PPP1R12A: variants seen among roughly 807,000 people sequenced by gnomAD.
PPP1R12A encodes protein phosphatase 1 regulatory subunit 12A, also known as myosin binding subunit.
Under a neutral mutation model 139.6 loss-of-function variants are expected in PPP1R12A, and 19 were observed. The ratio of observed to expected loss-of-function variants is 0.14; its 90% CI spans 0.09 to 0.20. PPP1R12A has a LOEUF of 0.20. Among genes scored for constraint, PPP1R12A ranks in the 10% least tolerant of loss-of-function variants. PPP1R12A has a pLI of 1.00. For synonymous variants in PPP1R12A, 427 were observed against 420.6 expected (o/e 1.02, Z -0.19); for missense variants, 925 against 1,211.5 (o/e 0.76, Z 3.51).
chr12:79,916,647 G>C (rs1303451002), intron 1 of PPP1R12A, among the ~76,000 whole-genome samples: 3 of 152,048 alleles, frequency 2.0e-5, no homozygotes, highest in African/African-American at 7.2e-5. Flanking sequence ...ACCATATCCA[G>C]AATTCCATTA....
At chr12:79,794,876 GT>G (rs1304455693) in intron 18 of PPP1R12A, among the ~76,000 whole-genome samples, 1 of 151,956 alleles carries the variant, frequency 6.6e-6, no homozygotes. Flanking sequence ...AAAATTTATA[GT>G]TCTAGTCATA....
At chr12:79,789,370 A>G (rs1260170223) in intron 20 of PPP1R12A, among the ~76,000 whole-genome samples, 1 of 152,156 alleles carries the variant, frequency 6.6e-6, no homozygotes, top group East Asian at 1.9e-4. Context: ...TATTTCCAAA[A>G]CCAGAAAATG....
rs753937919 is a variant in PPP1R12A at position 79,808,520 on chromosome 12, G to C, written c.1513C>G (p.Leu505Val). ...AYVAPTIPRR[L>V]ASTSDIEEKE... ...TCTTCAATGTCAGATGTACTGGCTA[G>C]TCGTCTTGGTATTGTAGGTGCAACA... The change falls in exon 11 of 25, where the codon CTA becomes GTA. Residue 505 changes from leucine to valine, a missense_variant. By Grantham distance (32) the Leu-to-Val change is conservative (BLOSUM62 1). Transcript: ENST00000450142. 1.9e-6 allele frequency: 3 copies of C among 1,609,820 alleles called. No individual in the cohort carries two copies. Among genetic ancestry groups the C allele is most frequent in the East Asian group, 2.2e-5 (1 of 44,784 alleles).
chr12:79,786,280 T>C lies in PPP1R12A; in HGVS notation c.2907+94A>G. On this transcript the variant is annotated intron_variant, in intron 22 of 24. Coordinates refer to ENST00000450142, the MANE Select transcript of PPP1R12A (RefSeq NM_002480.3). ...CTTCTATTACCAATTATCAAACTTC[T>C]ATTTAGAGTATTAGAAAAAATTTTA... 5.7e-6 allele frequency: 4 copies of C among 698,162 alleles called. No individual in the cohort carries two copies. The South Asian group carries it at 7.8e-5, about 14-fold the overall frequency. 43.2% of individuals were successfully genotyped at this position (698,162 alleles called of 1,614,324 possible). A position where few individuals can be genotyped will look rare whatever the true frequency, so the allele number is the denominator to read the frequency against.
In PPP1R12A at chr12:79,828,436, T is replaced by C; in HGVS notation, c.676A>G (p.Asn226Asp). 1 of 1,608,134 alleles carries C rather than the reference T, an allele frequency of 6.2e-7. No homozygotes were observed. The highest frequency in any genetic ancestry group is 8.5e-7 in the Non-Finnish European group (1 of 1,175,730). Residue 226 changes from asparagine (N) to aspartate (D), a missense_variant, in exon 5 of 25, where the codon AAT becomes GAT. Asn to Asp is a conservative substitution (Grantham distance 23, BLOSUM62 1). Around this residue, in one of 4 missense-constraint regions of PPP1R12A, gnomAD observed 199 missense variants for 352.4 expected, o/e 0.56. Transcript: ENST00000450142. ...KLLIQAGYDV[N>D]IKDYDGWTPL... ...GTCCAGCCATCATAGTCTTTAATATTAACATCATAGCCTGCCTGTATTAAA... is the reference window on the plus strand; with the variant it reads ...GTCCAGCCATCATAGTCTTTAATATCAACATCATAGCCTGCCTGTATTAAA...
chr12:79,876,529 G>C (rs1022711715), intron 1 of PPP1R12A, among the ~76,000 whole-genome samples: 8 of 152,134 alleles, frequency 5.3e-5, no homozygotes, highest in African/African-American at 1.7e-4. Flanking sequence ...CAGAAACTAA[G>C]CTTTTTCTAC....
chr12:79,795,553 T>C, intron 18 of PPP1R12A, 85 bp downstream of exon 18: 2 of 1,335,230 alleles, frequency 1.5e-6, no homozygotes, highest in South Asian at 1.4e-5. Flanking sequence ...CTAAGGCATA[T>C]AAGAAATTAT....
intron 3 of PPP1R12A, 161 bp from the exon 4 acceptor site, chr12:79,832,652 G>A (rs1283216393): frequency 3.2e-6 from 2 of 619,208 alleles, no homozygotes; most frequent in Non-Finnish European, 5.1e-6. Context: ...TAAAAAATGT[G>A]GGGATATTGT....
At chr12:79,789,702 G>C (rs1173259139) in intron 20 of PPP1R12A, 1 of 447,784 alleles carries the variant, frequency 2.2e-6, no homozygotes, top group African/African-American at 2.0e-5. Context: ...AATGATAAGA[G>C]AAATGGAATG....
At chr12:79,821,975 C>T (rs1215367858) in intron 6 of PPP1R12A, 141 bp downstream of exon 6, 15 of 561,862 alleles carry the variant, frequency 2.7e-5, no homozygotes, top group Non-Finnish European at 4.6e-5. Flanking sequence ...ATCCTTTATT[C>T]TCTTTCACTA....
chr12:79,907,957 C>T (rs1035659910), intron 1 of PPP1R12A, among the ~76,000 whole-genome samples: 1 of 152,122 alleles, frequency 6.6e-6, no homozygotes, highest in Non-Finnish European at 1.5e-5. Flanking sequence ...ATACTGTATT[C>T]TGTGGTATAT....
At chr12:79,904,704 T>C (rs1565808699) in intron 1 of PPP1R12A, among the ~76,000 whole-genome samples, 1 of 152,190 alleles carries the variant, frequency 6.6e-6, no homozygotes, top group Non-Finnish European at 1.5e-5. Flanking sequence ...ATTAAGCAAT[T>C]GGCTGCTTAA....
intron 1 of PPP1R12A, among the ~76,000 whole-genome samples, chr12:79,908,504 G>T (rs1251004132): frequency 6.6e-6 from 1 of 152,096 alleles, no homozygotes; most frequent in Non-Finnish European, 1.5e-5. Flanking sequence ...TCTAAACTTG[G>T]AATCAGATTA....
At chr12:79,919,208 C>A (rs1204448345) in intron 1 of PPP1R12A, among the ~76,000 whole-genome samples, 1 of 152,088 alleles carries the variant, frequency 6.6e-6, no homozygotes, top group Non-Finnish European at 1.5e-5. Flanking sequence ...CCCTCCCTAA[C>A]AACCTTGGCT....
intron 24 of PPP1R12A, among the ~76,000 whole-genome samples, chr12:79,776,877 C>T (rs1034666995): frequency 1.3e-5 from 2 of 152,064 alleles, no homozygotes; most frequent in African/African-American, 4.8e-5. Context: ...AGTCCTCTTT[C>T]CTCAGTTTTC....
Position 79,775,727 on chromosome 12 carries a change from AAAC to A in PPP1R12A, c.*199_*201del. ...AACAATGGTCTTGATTAAAAAAAAA[AAAC>A]AAAAAACAAACCAACAACAACAAAA... is the stretch of plus-strand genomic sequence containing the variant. On this transcript the variant is annotated 3_prime_UTR_variant, in exon 25 of 25. Coordinates refer to ENST00000450142, the MANE Select transcript of PPP1R12A (RefSeq NM_002480.3). 2 of 391,856 alleles carry A rather than the reference AAAC, an allele frequency of 5.1e-6. No homozygotes were observed. The highest frequency in any genetic ancestry group is 6.1e-5 in the South Asian group (1 of 16,282). 24.3% of individuals were successfully genotyped at this position (391,856 alleles called of 1,614,324 possible).
At chr12:79,790,578 T>C (rs2137005118) in intron 19 of PPP1R12A, 95 bp from the exon 20 acceptor site, 2 of 882,462 alleles carry the variant, frequency 2.3e-6, no homozygotes, top group Non-Finnish European at 3.3e-6. Context: ...GTAGTATCAA[T>C]AGAAGCAAAC....
At chr12:79,855,326 G>A (rs1457783613) in intron 2 of PPP1R12A, among the ~76,000 whole-genome samples, 7 of 152,030 alleles carry the variant, frequency 4.6e-5, no homozygotes, top group East Asian at 1.9e-4. Flanking sequence ...ATTATCTCTC[G>A]CCTACACCCA....
intron 2 of PPP1R12A, among the ~76,000 whole-genome samples, chr12:79,848,111 T>A (rs551124490): frequency 1.6e-4 from 24 of 152,348 alleles, no homozygotes; most frequent in Admixed American, 1.4e-3. Context: ...TAGTTTCATG[T>A]TTTAAATTTA....
Sources: allele counts gnomAD v4.1 joint callset (sites outside exome capture counted in the v4.1 genomes callset), GRCh38; gene constraint gnomAD v4.1.1; regional missense constraint gnomAD v4.1.1; transcripts MANE v1.5; gene names NCBI Gene and HGNC (gene_info 2026-07-23, HGNC 2026-07-21).